Variants in ANKS1A observed in about 807,000 individuals in gnomAD.
ANKS1A encodes the protein ankyrin repeat and SAM domain-containing protein 1A.
A neutral mutation model predicts 120.3 loss-of-function variants in ANKS1A; 55 were observed. The observed-to-expected ratio is 0.46, with a 90% CI of 0.37 to 0.57. ANKS1A has a LOEUF of 0.57. Among genes scored for constraint, ANKS1A ranks in the 20% least tolerant of loss-of-function variants. The pLI, the probability that ANKS1A is intolerant of heterozygous loss-of-function variation, is 0.00. For missense variants in ANKS1A, 1,123 were observed against 1,480.3 expected (o/e 0.76, Z 3.96); for synonymous variants, 590 against 604.7 (o/e 0.98, Z 0.36).
At chr6:35,021,046 G>C (rs993673444) in intron 11 of ANKS1A, among the ~76,000 whole-genome samples, 8 of 152,188 alleles carry the variant, frequency 5.3e-5, no homozygotes, top group African/African-American at 1.7e-4. Flanking sequence ...TAGTGATACT[G>C]TACTTGGTTT....
chr6:34,922,756 C>T (rs946913958), intron 1 of ANKS1A, among the ~76,000 whole-genome samples: 7 of 148,604 alleles, frequency 4.7e-5, no homozygotes, highest in East Asian at 2.0e-4. Context: ...TGCAGTGGCG[C>T]GATCTCAGCT....
At chr6:35,065,675 C>T (rs933820793) in intron 13 of ANKS1A, among the ~76,000 whole-genome samples, 1 of 152,256 alleles carries the variant, frequency 6.6e-6, no homozygotes, top group South Asian at 2.1e-4. Context: ...GGCTCATGCT[C>T]ATGTGCCCTC....
downstream of ANKS1A, among the ~76,000 whole-genome samples, chr6:35,096,115 CTG>C (rs1241810630): frequency 2.6e-5 from 4 of 152,184 alleles, no homozygotes; most frequent in Admixed American, 1.3e-4. Context: ...GCCCCTGAAA[CTG>C]AGTGTATTCT....
rs768344507 is a variant in ANKS1A at position 35,018,021 on chromosome 6, C to T, written c.1972C>T (p.Leu658=). ...CAACTGCAGCATTGGGAAGAAAAGG[C>T]TAGAGAAGTCACCCTCCTTCGCCTC... is the stretch of plus-strand genomic sequence containing the variant. The part of the protein sequence containing the change: ...LSNCSIGKKR[L]EKSPSFASEW... Residue 658 remains leucine, a synonymous_variant, in exon 11 of 24, where the codon CTA becomes TTA. Transcript: ENST00000360359. 1 of 1,614,056 alleles carries T rather than the reference C, an allele frequency of 6.2e-7. No homozygotes were observed.
chr6:35,093,409 G>A (rs567168296), downstream of ANKS1A, among the ~76,000 whole-genome samples: 2 of 152,002 alleles, frequency 1.3e-5, no homozygotes, highest in East Asian at 3.8e-4. Flanking sequence ...AGAAGAAAAT[G>A]GGAGGCTTTT....
At chr6:35,026,909 A>G (rs13207848) in intron 11 of ANKS1A, among the ~76,000 whole-genome samples, 21,007 of 151,984 alleles carry the variant, frequency 0.14, 1,654 homozygotes, top group African/African-American at 0.17. Flanking sequence ...ACATACCCAC[A>G]TTTTTAAAAA....
At chr6:35,030,860 G>A (rs1181721403) in intron 11 of ANKS1A, among the ~76,000 whole-genome samples, 1 of 152,114 alleles carries the variant, frequency 6.6e-6, no homozygotes, top group Non-Finnish European at 1.5e-5. Context: ...CACCTCAGAT[G>A]GCTTATTTTC....
At chr6:35,041,997 A>G (rs1775483608) in intron 11 of ANKS1A, among the ~76,000 whole-genome samples, 1 of 152,200 alleles carries the variant, frequency 6.6e-6, no homozygotes, top group Admixed American at 6.5e-5. Flanking sequence ...ATAACATTTA[A>G]TTCAGGATGG....
In ANKS1A at chr6:35,017,384, C is replaced by G. The variant is rs971423452; in HGVS notation, c.1424-89C>G. On this transcript the variant is annotated intron_variant, in intron 10 of 23. Coordinates refer to ENST00000360359, the MANE Select transcript of ANKS1A (RefSeq NM_015245.3). ...TCTCTCTGTTTCTCTGTGAATTCCT[C>G]TGCTTTGCCATATGCTTGCTGCATT... The G allele has an allele frequency of 7.3e-6, 10 of 1,364,110 alleles. No individual in the cohort carries two copies. In the African/African-American group the frequency reaches 1.2e-4, roughly 16 times the overall value. 84.5% of individuals were successfully genotyped at this position (1,364,110 alleles called of 1,614,324 possible).
At chr6:35,036,866 C>A (rs1412216178) in intron 11 of ANKS1A, among the ~76,000 whole-genome samples, 1 of 152,248 alleles carries the variant, frequency 6.6e-6, no homozygotes, top group Non-Finnish European at 1.5e-5. Flanking sequence ...CTTCCCTCCT[C>A]CCCCAGACCT....
intron 11 of ANKS1A, among the ~76,000 whole-genome samples, chr6:35,046,346 C>G (rs1233994998): frequency 6.6e-6 from 1 of 152,214 alleles, no homozygotes; most frequent in African/African-American, 2.4e-5. Context: ...ACATTCCTTT[C>G]TCTTTGTTTC....
Position 34,981,945 on chromosome 6 carries a change from G to A in ANKS1A, c.691G>A (p.Val231Ile), listed in dbSNP as rs752142508. 3.1e-6 allele frequency: 5 copies of A among 1,614,050 alleles called. No individual in the cohort carries two copies. The African/African-American group carries it at 6.7e-5, about 22-fold the overall frequency. ...AGCAAGGAATGGCCACAAAGCCGTG[G>A]TCCAGGTCCTCCTCGATGCTGGCAT... ...LAARNGHKAV[V>I]QVLLDAGMDS... Residue 231 changes from valine (V) to isoleucine (I), a missense_variant, in exon 4 of 24, where the codon GTC becomes ATC. By Grantham distance (29) the Val-to-Ile change is conservative (BLOSUM62 3). Around this residue, in one of 3 missense-constraint regions of ANKS1A, gnomAD observed 146 missense variants for 267.8 expected, o/e 0.55. Transcript: ENST00000360359.
chr6:35,092,701 A>G (rs1467053608), downstream of ANKS1A, among the ~76,000 whole-genome samples: 2 of 152,210 alleles, frequency 1.3e-5, no homozygotes, highest in Non-Finnish European at 2.9e-5. Flanking sequence ...AGCTGCTATC[A>G]TCATCCCTTC....
At chr6:35,042,233 A>T (rs964168810) in intron 11 of ANKS1A, among the ~76,000 whole-genome samples, 2 of 152,206 alleles carry the variant, frequency 1.3e-5, no homozygotes, top group Non-Finnish European at 2.9e-5. Context: ...ATGTAAGAGG[A>T]TATCGACACA....
intron 11 of ANKS1A, among the ~76,000 whole-genome samples, chr6:35,029,699 T>A (rs1355708610): frequency 6.7e-6 from 1 of 149,394 alleles, no homozygotes; most frequent in Non-Finnish European, 1.5e-5. Flanking sequence ...TACTCTAAGA[T>A]TACAAATATA....
chr6:34,970,294 C>T, intron 3 of ANKS1A, 128 bp downstream of exon 3: 1 of 1,131,564 alleles, frequency 8.8e-7, no homozygotes, highest in Non-Finnish European at 1.2e-6. Context: ...TTTTGATAAT[C>T]AGTTCCTTAG....
rs773477732 is a variant in ANKS1A, at chr6:35,079,662, C to T, written c.2430C>T (p.Leu810=). The stretch of plus-strand genomic sequence containing the variant: ...TGAAGAACCTCTGGGAGCTAGAGCT[C>T]GTCAATGTGAGTAGTCCCTGCGTGG... ...DTVKNLWELE[L]VNVLKVQLLG... Residue 810 remains leucine, a synonymous_variant, in exon 15 of 24, where the codon CTC becomes CTT. Coordinates refer to ENST00000360359, the MANE Select transcript of ANKS1A (RefSeq NM_015245.3). 1.8e-5 allele frequency: 29 copies of T among 1,614,120 alleles called. No individual in the cohort carries two copies. Among genetic ancestry groups the T allele is most frequent in the South Asian group, 2.2e-5 (2 of 91,072 alleles).
chr6:35,073,204 C>T (rs1777164300), intron 13 of ANKS1A, among the ~76,000 whole-genome samples: 1 of 152,198 alleles, frequency 6.6e-6, no homozygotes, highest in South Asian at 2.1e-4. Flanking sequence ...CGTCACACGT[C>T]ACCTCCCACA....
Position 35,085,683 on chromosome 6 carries a change from A to G in ANKS1A, c.3133-83A>G, listed in dbSNP as rs1360016535. 31 of 1,417,874 alleles carry G rather than the reference A, an allele frequency of 2.2e-5. No homozygotes were observed. In the East Asian group the frequency reaches 7.3e-4, roughly 33 times the overall value. The allele number at this position is 1,417,874 out of a possible 1,614,324, so 87.8% of individuals were successfully genotyped here. ...CTCCCGGGTAGACTTAGAGGGGGAC[A>G]CATGGTCCCTGCGAGGAAGGGCATA... On this transcript the variant is annotated intron_variant, in intron 21 of 23. Coordinates refer to ENST00000360359, the MANE Select transcript of ANKS1A (RefSeq NM_015245.3). This position sits in a 1 kb window ranked among gnomAD's most constrained non-coding sequence, Gnocchi z 4.7.
Sources: gnomAD v4.1 joint callset for allele counts (sites outside exome capture counted in the v4.1 genomes callset) on GRCh38, gnomAD v4.1.1 for gene constraint, gnomAD v4.1.1 regional missense constraint, Gnocchi (gnomAD v3.1) non-coding constraint, MANE v1.5 for transcripts, NCBI Gene and HGNC (gene_info 2026-07-23, HGNC 2026-07-21) for gene names.